TFDP1: variants seen among roughly 807,000 people sequenced by gnomAD.
TFDP1 encodes the protein DRTF1-polypeptide 1.
Under a neutral mutation model 48.0 loss-of-function variants are expected in TFDP1, and 6 were observed. The ratio of observed to expected loss-of-function variants is 0.13; its 90% CI spans 0.07 to 0.25. The LOEUF (loss-of-function observed/expected upper bound fraction) is 0.25. Ranked by LOEUF, TFDP1 falls within the 10% of genes least tolerant of loss-of-function variation. The pLI, the probability that TFDP1 is intolerant of heterozygous loss-of-function variation, is 1.00. For synonymous variants in TFDP1, 201 were observed against 211.6 expected, an observed-to-expected ratio of 0.95 and a Z score of 0.44; for missense variants, 335 against 543.0, an observed-to-expected ratio of 0.62 and a Z score of 3.81.
chr13:113,595,709 C>T (rs2048269147), intron 2 of TFDP1, among the ~76,000 whole-genome samples: 1 of 152,236 alleles, frequency 6.6e-6, no homozygotes, highest in East Asian at 1.9e-4. Context: ...CTGGTCTTTT[C>T]AGGTCGCTTT....
intron 11 of TFDP1, 46 bp from the exon 12 acceptor site, chr13:113,640,074 G>A (rs1359486548): frequency 3.5e-6 from 5 of 1,433,738 alleles, no homozygotes; most frequent in Non-Finnish European, 4.8e-6. Context: ...GGGGAGGCTG[G>A]GTGGGCCGCC....
intron 3 of TFDP1, among the ~76,000 whole-genome samples, chr13:113,615,250 G>A (rs1459103918): frequency 4.6e-5 from 7 of 152,242 alleles, no homozygotes; most frequent in Non-Finnish European, 1.5e-5. Flanking sequence ...CACACTTTGT[G>A]TGTCTGGCAG....
At chr13:113,601,486 C>G (rs2048425560) in intron 2 of TFDP1, among the ~76,000 whole-genome samples, 1 of 143,130 alleles carries the variant, frequency 7.0e-6, no homozygotes. Flanking sequence ...TGAGGCCACC[C>G]TCACCCTCAC....
chr13:113,636,836 A>C, intron 10 of TFDP1, 136 bp downstream of exon 10: 1 of 1,039,366 alleles, frequency 9.6e-7, no homozygotes, highest in Non-Finnish European at 1.3e-6. Context: ...GCAAAGACAA[A>C]GGGGCTGTGA....
At position 113,636,706 on chromosome 13, in the gene TFDP1, C is replaced by T. The variant is rs947160482; in HGVS notation, c.1006+6C>T. On this transcript the variant is annotated splice_donor_region_variant and intron_variant, in intron 10 of 11. Coordinates refer to ENST00000375370, the MANE Select transcript of TFDP1 (RefSeq NM_007111.5). ...TCTGGAGCCATACGTGACAGGTCAG[C>T]AATGCCCAGACAACCTGGCGTGGCT... 2 of 1,611,890 alleles carry T rather than the reference C, an allele frequency of 1.2e-6. No individual in the cohort carries two copies. Among genetic ancestry groups the T allele is most frequent in the Non-Finnish European group, 1.7e-6 (2 of 1,178,538 alleles).
chr13:113,594,462 T>C (rs1199406877), intron 2 of TFDP1, among the ~76,000 whole-genome samples: 4 of 134,942 alleles, frequency 3.0e-5, no homozygotes, highest in African/African-American at 1.4e-4. Context: ...GTGTGCTGTG[T>C]GCTGATCCTC....
intron 3 of TFDP1, among the ~76,000 whole-genome samples, chr13:113,618,704 G>A (rs761909840): frequency 1.3e-5 from 2 of 152,196 alleles, no homozygotes; most frequent in Non-Finnish European, 2.9e-5. Context: ...CAGGTGTGCC[G>A]AGGAAAACAC....
rs4150720 is a variant in TFDP1, at chr13:113,610,111, G to A, written c.13-885G>A. ...TTGCCGTGTGGCTGTACCATTACGC[G>A]TGTGCTCTTGCCGTGTGGCTGTACT... On this transcript the variant is annotated intron_variant, in intron 2 of 11. Coordinates refer to ENST00000375370, the MANE Select transcript of TFDP1 (RefSeq NM_007111.5). Among the ~76,000 whole-genome samples, 1,072 of 152,296 alleles carry A rather than the reference G, an allele frequency of 7.0e-3. 12 individuals carry two copies. The highest frequency in any genetic ancestry group is 0.024 in the African/African-American group (996 of 41,536).
At chr13:113,631,862 G>A (rs753517811) in intron 5 of TFDP1, 118 bp downstream of exon 5, 18 of 1,365,778 alleles carry the variant, frequency 1.3e-5, no homozygotes, top group African/African-American at 2.9e-5. Context: ...GCGCGTTGAC[G>A]CCAGCCTCCG....
chr13:113,636,511 C>G, intron 9 of TFDP1, 23 bp from the exon 10 acceptor site: 6 of 1,611,242 alleles, frequency 3.7e-6, no homozygotes, highest in Non-Finnish European at 5.1e-6. Flanking sequence ...CCCTGTCTTT[C>G]TGACTGTGCC....
At chr13:113,611,869 T>C (rs762178733) in intron 3 of TFDP1, among the ~76,000 whole-genome samples, 2 of 152,190 alleles carry the variant, frequency 1.3e-5, no homozygotes, top group Non-Finnish European at 2.9e-5. Context: ...TCCCAAGACC[T>C]GTCTGCCTGC....
chr13:113,623,111 A>G lies in TFDP1; in HGVS notation c.80-69A>G. The stretch of plus-strand genomic sequence containing the variant: ...TAATTGCAAGCACCGTCTTGCATTT[A>G]GAATGGTCGCTTGTAGCCTTAACTT... On this transcript the variant is annotated intron_variant, in intron 3 of 11. Coordinates refer to ENST00000375370, the MANE Select transcript of TFDP1 (RefSeq NM_007111.5). This position sits in a 1 kb window ranked among gnomAD's most constrained non-coding sequence, Gnocchi z 5.2. 1 of 1,394,056 alleles carries G rather than the reference A, an allele frequency of 7.2e-7. No homozygotes were observed. The highest frequency in any genetic ancestry group is 1.0e-6 in the Non-Finnish European group (1 of 1,002,838). 86.4% of individuals were successfully genotyped at this position (1,394,056 alleles called of 1,614,324 possible).
intron 2 of TFDP1, among the ~76,000 whole-genome samples, chr13:113,605,292 C>T (rs73577430): frequency 0.014 from 2,090 of 152,010 alleles, 49 homozygotes; most frequent in African/African-American, 0.048. Context: ...TCTTTCCGTG[C>T]GGAACTAAGT....
In TFDP1 at chr13:113,631,681, A is replaced by G; in HGVS notation, c.245A>G (p.His82Arg). 2 of 1,614,144 alleles carry G rather than the reference A, an allele frequency of 1.2e-6. No homozygotes were observed. The highest frequency in any genetic ancestry group is 1.7e-6 in the Non-Finnish European group (2 of 1,180,016). ...AACACCCTGGTGGTAGGAAGCCCAC[A>G]CACCCCCAGCACTCACTTTGCCTCT... The part of the protein sequence containing the change: ...ASNTLVVGSP[H>R]TPSTHFASQN... Residue 82 changes from histidine (H) to arginine (R), a missense_variant, in exon 5 of 12, where the codon CAC becomes CGC. Coordinates refer to ENST00000375370, the MANE Select transcript of TFDP1 (RefSeq NM_007111.5).
chr13:113,600,387 A>T (rs969156994), intron 2 of TFDP1, among the ~76,000 whole-genome samples: 1 of 148,304 alleles, frequency 6.7e-6, no homozygotes, highest in East Asian at 2.1e-4. Context: ...AGAACCCAGG[A>T]CCGTAAGCGA....
chr13:113,611,206 TG>T, intron 3 of TFDP1, 144 bp downstream of exon 3: 1 of 727,404 alleles, frequency 1.4e-6, no homozygotes, highest in Middle Eastern at 2.7e-4. Context: ...CCCAGGAGGG[TG>T]GGCGTAGGAG....
At chr13:113,616,503 T>C (rs1294877035) in intron 3 of TFDP1, among the ~76,000 whole-genome samples, 3 of 152,236 alleles carry the variant, frequency 2.0e-5, no homozygotes, top group Non-Finnish European at 2.9e-5. Flanking sequence ...GTCCCTCGTT[T>C]GCTGCTCATC....
chr13:113,630,973 A>C (rs1441600791), intron 4 of TFDP1, among the ~76,000 whole-genome samples: 2 of 152,142 alleles, frequency 1.3e-5, no homozygotes, highest in Non-Finnish European at 2.9e-5. Flanking sequence ...TTCCGCCCCC[A>C]GTGCTGGTGG....
chr13:113,601,409 G>C (rs1309635344), intron 2 of TFDP1, among the ~76,000 whole-genome samples: 1 of 152,238 alleles, frequency 6.6e-6, no homozygotes, highest in Admixed American at 6.5e-5. Flanking sequence ...TGCCTTGTGG[G>C]CCCCTGCGTA....
Sources: allele counts gnomAD v4.1 joint callset (sites outside exome capture counted in the v4.1 genomes callset), GRCh38; gene constraint gnomAD v4.1.1; non-coding constraint Gnocchi (gnomAD v3.1); transcripts MANE v1.5; gene names NCBI Gene and HGNC (gene_info 2026-07-23, HGNC 2026-07-21).